The following MTBP variants were observed in gnomAD, a reference collection of about 807,000 sequenced individuals.
MTBP encodes mdm2-binding protein.
MTBP carries 101 observed loss-of-function variants against 117.0 expected under a neutral mutation model. The ratio of observed to expected loss-of-function variants is 0.86; its 90% CI spans 0.73 to 1.02. The LOEUF (loss-of-function observed/expected upper bound fraction) is 1.02. Among genes scored for constraint, MTBP ranks in the 50% least tolerant of loss-of-function variants. The probability of loss-of-function intolerance (pLI) is 0.00; values close to 1 mark genes in which losing one functional copy is unlikely to be tolerated. For missense variants in MTBP, 970 were observed against 1,030.9 expected, an observed-to-expected ratio of 0.94 and a Z score of 0.81; for synonymous variants, 350 against 351.5, an observed-to-expected ratio of 1.00 and a Z score of 0.05.
intron 11 of MTBP, among the ~76,000 whole-genome samples, chr8:120,476,137 C>T (rs1813932355): frequency 6.6e-6 from 1 of 152,046 alleles, no homozygotes. Flanking sequence ...TCTTTTGTCA[C>T]ATCATGTATA....
intron 4 of MTBP, chr8:120,451,755 T>C (rs1813351693): frequency 6.5e-6 from 1 of 152,750 alleles, no homozygotes; most frequent in Admixed American, 6.5e-5. Flanking sequence ...AATTTTTGTA[T>C]TTTTTTTTGT....
At chr8:120,490,925 G>A (rs1343862011) in intron 13 of MTBP, among the ~76,000 whole-genome samples, 3 of 152,030 alleles carry the variant, frequency 2.0e-5, no homozygotes, top group African/African-American at 7.2e-5. Flanking sequence ...CGGAAGTTGG[G>A]TGCTACAAAT....
chr8:120,509,341 C>T (rs528112624), intron 16 of MTBP, among the ~76,000 whole-genome samples: 2 of 152,326 alleles, frequency 1.3e-5, no homozygotes, highest in East Asian at 1.9e-4. Context: ...GTGGCTCATG[C>T]CAGTAATCCT....
intron 20 of MTBP, among the ~76,000 whole-genome samples, chr8:120,521,443 GTTTTGTGTACGAGAC>G (rs891065419): frequency 3.3e-5 from 5 of 152,268 alleles, no homozygotes; most frequent in African/African-American, 1.2e-4. Context: ...GAGAAGGAAG[GTTTTGTGTACGAGAC>G]CTGAATCCAT....
intron 1 of MTBP, 37 bp from the exon 2 acceptor site, chr8:120,446,396 T>C: frequency 1.6e-6 from 2 of 1,266,220 alleles, no homozygotes; most frequent in South Asian, 2.4e-5. Flanking sequence ...TATGTAAATC[T>C]AGAGCCCTTT....
chr8:120,460,110 G>A (rs921912428), intron 8 of MTBP, among the ~76,000 whole-genome samples: 2 of 151,968 alleles, frequency 1.3e-5, no homozygotes, highest in Non-Finnish European at 2.9e-5. Flanking sequence ...TAATCAAAGG[G>A]TGGTACAAAA....
At chr8:120,516,623 T>C (rs1814925189) in intron 18 of MTBP, among the ~76,000 whole-genome samples, 1 of 152,056 alleles carries the variant, frequency 6.6e-6, no homozygotes, top group Non-Finnish European at 1.5e-5. Flanking sequence ...ATATAAAATA[T>C]AGCTTTAAAC....
intron 14 of MTBP, 79 bp from the exon 15 acceptor site, chr8:120,502,413 G>A (rs1563802269): frequency 4.2e-6 from 4 of 957,580 alleles, no homozygotes; most frequent in South Asian, 3.4e-5. Flanking sequence ...GTATGTATGT[G>A]TCTGTAAATA....
Position 120,497,513 on chromosome 8 carries a change from TA to T in MTBP, c.1570del (p.Arg524GlufsTer12). On this transcript the variant is annotated frameshift_variant, in exon 14 of 22. Coordinates refer to ENST00000305949, the MANE Select transcript of MTBP (RefSeq NM_022045.5). LOFTEE classifies it high-confidence loss of function. ...YFDAVIPKMI[L>X]RKMDKIKTFN... ...GATGCTGTGATTCCTAAAATGATTCTAAGAAAGATGGACAAAATTAAAACCT... is the reference window on the plus strand; with the variant it reads ...GATGCTGTGATTCCTAAAATGATTCTAGAAAGATGGACAAAATTAAAACCT... 6.4e-7 allele frequency: 1 copy of T among 1,571,144 alleles called. No individual in the cohort carries two copies. Among genetic ancestry groups the T allele is most frequent in the Non-Finnish European group, 8.7e-7 (1 of 1,147,304 alleles).
At chr8:120,456,121 T>C (rs947292197) in intron 6 of MTBP, among the ~76,000 whole-genome samples, 3 of 152,136 alleles carry the variant, frequency 2.0e-5, no homozygotes, top group Admixed American at 6.5e-5. Context: ...ATCTTTTTCA[T>C]TGAAGTGCAG....
intron 15 of MTBP, among the ~76,000 whole-genome samples, chr8:120,504,940 C>T (rs1426558107): frequency 6.6e-6 from 1 of 151,788 alleles, no homozygotes; most frequent in African/African-American, 2.4e-5. Flanking sequence ...TTTCTAGCAA[C>T]CTATTCTTTT....
At chr8:120,462,557 T>C (rs1412712316) in intron 9 of MTBP, among the ~76,000 whole-genome samples, 1 of 152,180 alleles carries the variant, frequency 6.6e-6, no homozygotes, top group African/African-American at 2.4e-5. Context: ...TACATTACTG[T>C]TGAGAACCAT....
chr8:120,480,912 T>G (rs1814069461), intron 11 of MTBP, among the ~76,000 whole-genome samples: 1 of 152,166 alleles, frequency 6.6e-6, no homozygotes, highest in Non-Finnish European at 1.5e-5. Context: ...AAAAACAATC[T>G]ACTTAAAGAA....
In MTBP at chr8:120,456,687, C is replaced by T; in HGVS notation, c.747+17C>T. ...GAAAGAAAGGTAAATGGATTATTCA[C>T]AGTTTGCCAAGTAGGCCTTTCAATT... On this transcript the variant is annotated intron_variant, in intron 7 of 21. Coordinates refer to ENST00000305949, the MANE Select transcript of MTBP (RefSeq NM_022045.5). 3 of 1,377,790 alleles carry T rather than the reference C, an allele frequency of 2.2e-6. No individual in the cohort carries two copies. The highest frequency in any genetic ancestry group is 3.1e-6 in the Non-Finnish European group (3 of 977,802). 85.3% of individuals were successfully genotyped at this position (1,377,790 alleles called of 1,614,324 possible).
chr8:120,507,838 GT>G (rs1814720695), intron 16 of MTBP, among the ~76,000 whole-genome samples: 1 of 152,024 alleles, frequency 6.6e-6, no homozygotes, highest in Admixed American at 6.6e-5. Flanking sequence ...ATAACCTTTT[GT>G]TGTGGGAATC....
intron 11 of MTBP, among the ~76,000 whole-genome samples, 192 bp from the exon 12 acceptor site, chr8:120,487,967 G>A (rs1814253667): frequency 6.6e-6 from 1 of 152,184 alleles, no homozygotes; most frequent in African/African-American, 2.4e-5. Flanking sequence ...AAAGATTTAT[G>A]CTTTGTAATT....
chr8:120,503,568 A>G lies in MTBP; in HGVS notation c.1727+959A>G, dbSNP rs1277897878. Among the ~76,000 whole-genome samples, 10 of 152,188 alleles carry G rather than the reference A, an allele frequency of 6.6e-5. 1 individual carries two copies. In the East Asian group the frequency reaches 1.9e-3, roughly 29 times the overall value. On this transcript the variant is annotated intron_variant, in intron 15 of 21. Coordinates refer to ENST00000305949, the MANE Select transcript of MTBP (RefSeq NM_022045.5). The stretch of plus-strand genomic sequence containing the variant: ...ATGGGTGAAGTACATTCAGTCACAC[A>G]GGACCAAATAGGTCCTCATACACAG...
chr8:120,486,366 A>G (rs1179911179), intron 11 of MTBP, among the ~76,000 whole-genome samples: 4 of 152,076 alleles, frequency 2.6e-5, no homozygotes, highest in Non-Finnish European at 4.4e-5. Flanking sequence ...CTGAGCCACT[A>G]CTTCGGTAGC....
At chr8:120,488,875 T>C (rs1231601071) in intron 12 of MTBP, among the ~76,000 whole-genome samples, 9 of 152,156 alleles carry the variant, frequency 5.9e-5, no homozygotes, top group African/African-American at 1.9e-4. Context: ...CTCCAGTCAT[T>C]TGAAGATTCC....
Sources: allele counts gnomAD v4.1 joint callset (sites outside exome capture counted in the v4.1 genomes callset), GRCh38; gene constraint gnomAD v4.1.1; transcripts MANE v1.5; gene names NCBI Gene and HGNC (gene_info 2026-07-23, HGNC 2026-07-21).